Variants in NMRK1 observed in about 807,000 individuals in gnomAD.
The protein encoded by NMRK1 is nicotinamide riboside kinase 1.
Under a neutral mutation model 29.9 loss-of-function variants are expected in NMRK1, and 28 were observed. The ratio of observed to expected loss-of-function variants is 0.94; its 90% CI spans 0.69 to 1.28. NMRK1 has a LOEUF of 1.28. NMRK1 is among the 50% of genes most tolerant of loss of function. The pLI is 0.00. For synonymous variants in NMRK1, 58 were observed against 73.0 expected, an observed-to-expected ratio of 0.79 and a Z score of 1.05; for missense variants, 218 against 233.1, an observed-to-expected ratio of 0.94 and a Z score of 0.42.
chr9:75,082,764 G>A (rs1281815613), intron 2 of NMRK1: 5 of 337,662 alleles, frequency 1.5e-5, no homozygotes, highest in African/African-American at 8.5e-5. Context: ...TCGTGATGAA[G>A]GAGAATGATA....
At chr9:75,086,189 A>G (rs1356995258) in intron 1 of NMRK1, among the ~76,000 whole-genome samples, 3 of 152,206 alleles carry the variant, frequency 2.0e-5, no homozygotes, top group Admixed American at 6.5e-5. Context: ...CAGGCAAAAA[A>G]CAACCCAAAA....
intron 3 of NMRK1, 25 bp downstream of exon 3, chr9:75,077,465 A>G (rs761765217): frequency 7.0e-7 from 1 of 1,431,238 alleles, no homozygotes; most frequent in Non-Finnish European, 9.8e-7. Context: ...TATTAAATAA[A>G]TAATTTAAGA....
chr9:75,077,209 TG>T lies in NMRK1; in HGVS notation c.121-3del. 6.3e-7 allele frequency: 1 copy of T among 1,591,712 alleles called. No homozygotes were observed. Among genetic ancestry groups the T allele is most frequent in the Non-Finnish European group, 8.6e-7 (1 of 1,163,312 alleles). ...ATCTGTCTCTATCTCAGACTCTGGCTGGAAAAATAATAAAGTACCCATCAAA... is the reference window on the plus strand; with the variant it reads ...ATCTGTCTCTATCTCAGACTCTGGCTGAAAAATAATAAAGTACCCATCAAA... On this transcript the variant is annotated splice_region_variant and splice_polypyrimidine_tract_variant and intron_variant, in intron 3 of 8. Transcript: ENST00000361092.
intron 4 of NMRK1, among the ~76,000 whole-genome samples, chr9:75,076,484 G>C (rs917132051): frequency 2.6e-5 from 4 of 152,080 alleles, no homozygotes; most frequent in Non-Finnish European, 5.9e-5. Context: ...CAAATGAACT[G>C]TACACTTAAG....
chr9:75,077,527 G>A lies in NMRK1; in HGVS notation c.83C>T (p.Pro28Leu). 1 of 1,613,226 alleles carries A rather than the reference G, an allele frequency of 6.2e-7. No individual in the cohort carries two copies. Among genetic ancestry groups the A allele is most frequent in the Non-Finnish European group, 8.5e-7 (1 of 1,179,208 alleles). ...ATCCTGAGATATGACACTGCAATTT[G>A]GGAGGTGTTTCTGCAAATTCTTAGC... Reference protein sequence around the residue: ...TLAKNLQKHLPNCSVISQDDF... With the variant: ...TLAKNLQKHLLNCSVISQDDF... Residue 28 changes from proline to leucine, a missense_variant, in exon 3 of 9, where the codon CCA (proline) becomes CTA (leucine). Transcript: ENST00000361092.
intron 2 of NMRK1, 59 bp from the exon 3 acceptor site, chr9:75,077,639 CTTT>C (rs60305501): frequency 1.6e-4 from 143 of 905,160 alleles, no homozygotes; most frequent in Non-Finnish European, 1.7e-4. Flanking sequence ...TCATTAAACA[CTTT>C]TTTTTTTTTG....
chr9:75,069,381 A>C (rs1823560976), intron 6 of NMRK1: 1 of 476,368 alleles, frequency 2.1e-6, no homozygotes, highest in African/African-American at 2.0e-5. Context: ...AAATAGTGTA[A>C]ATAACAATGG....
intron 4 of NMRK1, among the ~76,000 whole-genome samples, chr9:75,074,729 A>G (rs1316387080): frequency 6.6e-6 from 1 of 152,138 alleles, no homozygotes; most frequent in Non-Finnish European, 1.5e-5. Context: ...CTTTCATATT[A>G]ATCAACTATA....
At chr9:75,063,483 T>C (rs1823158523) in intron 8 of NMRK1, among the ~76,000 whole-genome samples, 1 of 152,138 alleles carries the variant, frequency 6.6e-6, no homozygotes, top group Non-Finnish European at 1.5e-5. Flanking sequence ...TTAGTAAGAA[T>C]AAGGAAATAA....
intron 8 of NMRK1, among the ~76,000 whole-genome samples, chr9:75,066,521 A>C (rs1823357852): frequency 6.6e-6 from 1 of 152,156 alleles, no homozygotes; most frequent in African/African-American, 2.4e-5. Context: ...AAATCACATA[A>C]ATAGCATTAA....
chr9:75,061,035 T>C lies in NMRK1; in HGVS notation c.*513A>G, dbSNP rs565618301. On this transcript the variant is annotated 3_prime_UTR_variant, in exon 9 of 9. Coordinates refer to ENST00000361092, the MANE Select transcript of NMRK1 (RefSeq NM_017881.3). ...ATGGTATGGAGCAACATTTTCCAAA[T>C]TGTGGTTGTGATCAATATGTTTTTT... is the stretch of plus-strand genomic sequence containing the variant. 9.9e-4 allele frequency: 152 copies of C among 152,820 alleles called. No individual in the cohort carries two copies. The highest frequency in any genetic ancestry group is 1.8e-3 in the Non-Finnish European group (120 of 68,458). 9.5% of individuals were successfully genotyped at this position (152,820 alleles called of 1,614,324 possible). A position where few individuals can be genotyped will look rare whatever the true frequency, so the allele number is the denominator to read the frequency against.
At chr9:75,067,145 A>C (rs545809276) in intron 7 of NMRK1, 3 of 239,650 alleles carry the variant, frequency 1.3e-5, no homozygotes, top group Admixed American at 5.0e-5. Context: ...GGTGTTGTGC[A>C]TACGGCACTT....
In NMRK1 at chr9:75,077,438, G is replaced by A. The variant is rs919531605; in HGVS notation, c.120+52C>T. 7 of 1,254,020 alleles carry A rather than the reference G, an allele frequency of 5.6e-6. No homozygotes were observed. The African/African-American group carries it at 7.6e-5, about 14-fold the overall frequency. 77.7% of individuals were successfully genotyped at this position (1,254,020 alleles called of 1,614,324 possible). On this transcript the variant is annotated intron_variant, in intron 3 of 8. Coordinates refer to ENST00000361092, the MANE Select transcript of NMRK1 (RefSeq NM_017881.3). Reference sequence around the variant, plus strand: ...TCTTGGATGTAATTCAATTAACGTGGTGGTTAAACATTTTTGTATTAAATA... The same window carrying A: ...TCTTGGATGTAATTCAATTAACGTGATGGTTAAACATTTTTGTATTAAATA...
chr9:75,064,805 AC>A (rs1823243009), intron 8 of NMRK1, among the ~76,000 whole-genome samples: 1 of 152,320 alleles, frequency 6.6e-6, no homozygotes, highest in African/African-American at 2.4e-5. Flanking sequence ...AATATTCTTC[AC>A]TGCTGGAGTG....
At chr9:75,087,702 G>A (rs1824752731) in intron 1 of NMRK1, 1 of 152,040 alleles carries the variant, frequency 6.6e-6, no homozygotes, top group Non-Finnish European at 1.5e-5. Flanking sequence ...CTAGAGGAAT[G>A]AGACCATATC....
chr9:75,069,523 G>A (rs13289688), intron 6 of NMRK1: 302,421 of 522,778 alleles, frequency 0.58, 90,857 homozygotes, highest in African/African-American at 0.82. Flanking sequence ...GAAATGAGCC[G>A]AAAGCTTGAT....
At position 75,060,962 on chromosome 9, in the gene NMRK1, C is replaced by T. The variant is rs1476649610; in HGVS notation, c.*586G>A. 2 of 151,964 alleles carry T rather than the reference C, an allele frequency of 1.3e-5. No individual in the cohort carries two copies. Among genetic ancestry groups the T allele is most frequent in the African/African-American group, 4.8e-5 (2 of 41,248 alleles). The allele number at this position is 151,964 out of a possible 1,614,324, so 9.4% of individuals were successfully genotyped here. ...ATTGTTGATTTATTCATTGTGACTG[C>T]AGCTCCTAGTAATGCTATTATTTGC... On this transcript the variant is annotated 3_prime_UTR_variant, in exon 9 of 9. Coordinates refer to ENST00000361092, the MANE Select transcript of NMRK1 (RefSeq NM_017881.3).
At chr9:75,087,231 T>C (rs1824712826) in intron 1 of NMRK1, among the ~76,000 whole-genome samples, 2 of 152,100 alleles carry the variant, frequency 1.3e-5, no homozygotes, top group African/African-American at 2.4e-5. Flanking sequence ...CCCTCCCCCA[T>C]TGGTTTCATT....
chr9:75,082,031 T>C (rs897348665), intron 2 of NMRK1, among the ~76,000 whole-genome samples: 6 of 152,234 alleles, frequency 3.9e-5, no homozygotes, highest in Non-Finnish European at 8.8e-5. Context: ...GGCTAATACA[T>C]TTCCTTTATT....
Sources: allele counts gnomAD v4.1 joint callset (sites outside exome capture counted in the v4.1 genomes callset), GRCh38; gene constraint gnomAD v4.1.1; transcripts MANE v1.5; gene names NCBI Gene and HGNC (gene_info 2026-07-23, HGNC 2026-07-21).